Variants in PCDHA12 observed in about 807,000 individuals in gnomAD.
PCDHA12 encodes protocadherin alpha 12.
Under a neutral mutation model 60.0 loss-of-function variants are expected in PCDHA12, and 44 were observed. The ratio of observed to expected loss-of-function variants is 0.73; its 90% confidence interval spans 0.58 to 0.94. The LOEUF (loss-of-function observed/expected upper bound fraction) is 0.94. Among genes scored for constraint, PCDHA12 ranks in the 40% least tolerant of loss-of-function variants. The pLI is 0.00. For synonymous variants in PCDHA12, 569 were observed against 553.0 expected (o/e 1.03, Z -0.40); for missense variants, 1,276 against 1,239.7 (o/e 1.03, Z -0.44).
At chr5:140,967,593 T>C (rs2096161783) in intron 1 of PCDHA12, 2 of 1,614,078 alleles carry the variant, frequency 1.2e-6, no homozygotes, top group Non-Finnish European at 1.7e-6. Context: ...GGCACATTGG[T>C]GGTGAAGCTG....
At chr5:141,009,450 A>G (rs1272306412) in intron 3 of PCDHA12, among the ~76,000 whole-genome samples, 177 bp from the exon 4 acceptor site, 1 of 152,250 alleles carries the variant, frequency 6.6e-6, no homozygotes, top group Non-Finnish European at 1.5e-5. Context: ...TCTCAAAAAA[A>G]TTAAACAAAT....
At chr5:140,923,217 ATCGTTTGAG>A (rs2081234922) in intron 1 of PCDHA12, among the ~76,000 whole-genome samples, 1 of 135,418 alleles carries the variant, frequency 7.4e-6, no homozygotes, top group Admixed American at 7.5e-5. Flanking sequence ...AGGTGAAAGG[ATCGTTTGAG>A]CCCAGAAGTT....
rs114173550 is a variant in PCDHA12, at chr5:140,996,928, G to T, written c.2516-12699G>T. Among the ~76,000 whole-genome samples the T allele has an allele frequency of 1.8e-3, 279 of 152,148 alleles. 1 individual carries two copies. Among genetic ancestry groups the T allele is most frequent in the Non-Finnish European group, 3.0e-3 (203 of 67,996 alleles). ...GTTGAAGTAAATATTAAAAAATATA[G>T]CATTTTTGCATAGAAATATTTATTT... On this transcript the variant is annotated intron_variant, in intron 3 of 3. Coordinates refer to ENST00000398631, the MANE Select transcript of PCDHA12 (RefSeq NM_018903.4).
At chr5:140,893,150 A>T (rs1398784015) in intron 1 of PCDHA12, among the ~76,000 whole-genome samples, 2 of 152,066 alleles carry the variant, frequency 1.3e-5, no homozygotes, top group African/African-American at 4.8e-5. Flanking sequence ...TCATCTGTTG[A>T]TGGATATTGA....
intron 1 of PCDHA12, chr5:140,968,734 C>A: frequency 6.2e-7 from 1 of 1,614,162 alleles, no homozygotes; most frequent in Non-Finnish European, 8.5e-7. Flanking sequence ...GTAGCACTTT[C>A]AACCTGACCG....
intron 3 of PCDHA12, among the ~76,000 whole-genome samples, chr5:140,999,230 G>A (rs2097851745): frequency 6.6e-6 from 1 of 152,194 alleles, no homozygotes; most frequent in Non-Finnish European, 1.5e-5. Flanking sequence ...TTTGAGAATA[G>A]GTGGTTAAAG....
At chr5:140,885,176 G>A (rs965470861) in intron 1 of PCDHA12, among the ~76,000 whole-genome samples, 1 of 151,510 alleles carries the variant, frequency 6.6e-6, no homozygotes. Context: ...TGTCCTCTAG[G>A]CACATCAGTG....
intron 1 of PCDHA12, among the ~76,000 whole-genome samples, chr5:140,961,545 C>A (rs1486984950): frequency 6.6e-6 from 1 of 152,146 alleles, no homozygotes; most frequent in Non-Finnish European, 1.5e-5. Flanking sequence ...GTTCCTGCAG[C>A]ATTTCTTTTT....
In PCDHA12 at chr5:140,983,247, G is replaced by A. The variant is rs112993813; in HGVS notation, c.2515+684G>A. ...ACTTTCAGGAAAGAGAACCTGCTAA[G>A]TTGTGTAAAAAACCTAATGGCTGGG... On this transcript the variant is annotated intron_variant, in intron 3 of 3. Coordinates refer to ENST00000398631, the MANE Select transcript of PCDHA12 (RefSeq NM_018903.4). Among the ~76,000 whole-genome samples the A allele has an allele frequency of 9.0e-3, 1,377 of 152,306 alleles. 16 individuals are homozygous for A. The highest frequency in any genetic ancestry group is 0.043 in the East Asian group (224 of 5,190).
intron 1 of PCDHA12, among the ~76,000 whole-genome samples, chr5:140,893,419 G>A (rs2063984571): frequency 6.6e-6 from 1 of 152,158 alleles, no homozygotes; most frequent in African/African-American, 2.4e-5. Context: ...TAGGGAGGCA[G>A]AGGCAGGAAG....
intron 1 of PCDHA12, among the ~76,000 whole-genome samples, chr5:140,891,939 C>G (rs1475126639): frequency 3.3e-5 from 5 of 152,212 alleles, no homozygotes; most frequent in African/African-American, 1.2e-4. Flanking sequence ...TGGACTTCCC[C>G]TAGGCTCCAG....
intron 1 of PCDHA12, among the ~76,000 whole-genome samples, chr5:140,971,717 T>C (rs2096494226): frequency 6.6e-6 from 1 of 152,012 alleles, no homozygotes; most frequent in Non-Finnish European, 1.5e-5. Flanking sequence ...TATAGATATA[T>C]GTATATCATA....
At chr5:140,894,652 A>G (rs578187402) in intron 1 of PCDHA12, among the ~76,000 whole-genome samples, 234 of 151,944 alleles carry the variant, frequency 1.5e-3, no homozygotes, top group African/African-American at 4.9e-3. Flanking sequence ...GAGTCTCTCT[A>G]ATTCTGATTT....
intron 3 of PCDHA12, among the ~76,000 whole-genome samples, chr5:140,982,811 A>G (rs1024619481): frequency 1.3e-5 from 2 of 150,966 alleles, no homozygotes; most frequent in Non-Finnish European, 1.5e-5. Flanking sequence ...GTGTGTGTGT[A>G]TGAAGTTTTT....
rs370989006 is a variant in PCDHA12 at position 141,009,739 on chromosome 5, C to T, written c.2628C>T (p.Pro876=). The change falls in exon 4 of 4, where the codon CCC becomes CCT. Residue 876 remains proline (P), a synonymous_variant. Transcript: ENST00000398631. ...AACAATCCGGTCCCGGTGAGTTGCC[C>T]GACAAATTCATTATCCCAGGATCTC... ...NPKQSGPGEL[P]DKFIIPGSPA... is the part of the protein sequence containing the mutation. 55 of 1,614,008 alleles carry T rather than the reference C, an allele frequency of 3.4e-5. No homozygotes were observed. Among genetic ancestry groups the T allele is most frequent in the African/African-American group, 2.4e-4 (18 of 74,972 alleles).
chr5:140,916,188 G>A (rs1288181230), intron 1 of PCDHA12, among the ~76,000 whole-genome samples: 2 of 152,208 alleles, frequency 1.3e-5, no homozygotes, highest in East Asian at 3.9e-4. Context: ...TCAAGGAAGT[G>A]GGCACCCCTC....
chr5:140,939,851 A>G (rs1313215259), intron 1 of PCDHA12, among the ~76,000 whole-genome samples: 2 of 152,206 alleles, frequency 1.3e-5, no homozygotes, highest in African/African-American at 4.8e-5. Context: ...TGTGTTCTGT[A>G]TATGTCCATT....
chr5:140,926,767 C>A (rs1323702990), intron 1 of PCDHA12: 1 of 1,359,024 alleles, frequency 7.4e-7, no homozygotes, highest in East Asian at 2.7e-5. Context: ...AGTATCCAGC[C>A]CGCAGCAGTG....
intron 1 of PCDHA12, chr5:140,928,060 T>C: frequency 6.2e-7 from 1 of 1,614,204 alleles, no homozygotes; most frequent in Non-Finnish European, 8.5e-7. Flanking sequence ...GCTGACGGCT[T>C]CCTTTGACAA....
Sources: allele counts gnomAD v4.1 joint callset (sites outside exome capture counted in the v4.1 genomes callset), GRCh38; gene constraint gnomAD v4.1.1; transcripts MANE v1.5; gene names NCBI Gene and HGNC (gene_info 2026-07-23, HGNC 2026-07-21).